CRAT: variants seen among roughly 807,000 people sequenced by gnomAD.
CRAT encodes the protein carnitine O-acetyltransferase, also known as carnitine acetylase.
A neutral mutation model predicts 73.7 loss-of-function variants in CRAT; 66 were observed. That is an observed-to-expected ratio of 0.90 (90% confidence interval 0.73 to 1.10). The LOEUF is 1.10. CRAT is among the 50% of genes least tolerant of loss of function. CRAT has a pLI of 0.00. For synonymous variants in CRAT, 321 were observed against 343.2 expected (o/e 0.94, Z 0.71); for missense variants, 745 against 846.9 (o/e 0.88, Z 1.49).
intron 12 of CRAT, 83 bp from the exon 13 acceptor site, chr9:129,096,218 C>T: frequency 6.4e-7 from 1 of 1,562,684 alleles, no homozygotes; most frequent in Non-Finnish European, 8.7e-7. Flanking sequence ...GGCAGCGCCA[C>T]CCTTCGCAGG....
intron 8 of CRAT, among the ~76,000 whole-genome samples, chr9:129,098,908 G>C (rs1847475314): frequency 6.6e-6 from 1 of 150,514 alleles, no homozygotes; most frequent in Non-Finnish European, 1.5e-5. Flanking sequence ...TGGCCTCCCT[G>C]GTTCAAGCGA....
At position 129,098,060 on chromosome 9, in the gene CRAT, T is replaced by C. The variant is rs146054379; in HGVS notation, c.1417A>G (p.Met473Val). The C allele has an allele frequency of 2.9e-5, 46 of 1,614,032 alleles. No homozygotes were observed. In the South Asian group the frequency reaches 4.4e-4, roughly 15 times the overall value. Residue 473 changes from methionine to valine, a missense_variant, in exon 11 of 14, where the codon ATG (methionine) becomes GTG (valine). By Grantham distance (21) the Met-to-Val change is conservative. Coordinates refer to ENST00000318080, the MANE Select transcript of CRAT (RefSeq NM_000755.5). Reference protein sequence around the residue: ...GRTDTIRSASMDSLTFVKAMD... With the variant: ...GRTDTIRSASVDSLTFVKAMD... ...GCCTTGACAAAGGTGAGTGAGTCCA[T>C]GGAAGCCGAGCGGATGGTGTCGGTG...
chr9:129,109,048 AG>A, intron 1 of CRAT: 12 of 1,242,758 alleles, frequency 9.7e-6, no homozygotes, highest in Non-Finnish European at 1.1e-5. Flanking sequence ...CCAGAAGTAG[AG>A]GAATGGGGAG....
chr9:129,104,424 A>C, intron 2 of CRAT, 118 bp from the exon 3 acceptor site: 1 of 718,866 alleles, frequency 1.4e-6, no homozygotes, highest in South Asian at 1.8e-5. Flanking sequence ...GAGATTCTCA[A>C]AGTAAATGCC....
Position 129,098,383 on chromosome 9 carries a change from G to C in CRAT, c.1206-12C>G, listed in dbSNP as rs372331656. On this transcript the variant is annotated splice_polypyrimidine_tract_variant and intron_variant, in intron 9 of 13. Coordinates refer to ENST00000318080, the MANE Select transcript of CRAT (RefSeq NM_000755.5). ...GGTCCTGGATCATGCTGGGGGTGTG[G>C]GAAGAGCAGGTGAGGAGCAGGCCCC... The C allele has an allele frequency of 1.9e-6, 3 of 1,612,978 alleles. No individual in the cohort carries two copies. The highest frequency in any genetic ancestry group is 1.3e-5 in the African/African-American group (1 of 74,920).
At chr9:129,099,993 C>G in intron 7 of CRAT, 27 bp from the exon 8 acceptor site, 5 of 1,606,156 alleles carry the variant, frequency 3.1e-6, no homozygotes, top group Non-Finnish European at 4.3e-6. Flanking sequence ...AGACCCCGGT[C>G]AGCCCCAGGG....
In CRAT at chr9:129,107,894, C is replaced by G; in HGVS notation, c.211G>C (p.Asp71His). ...ACACCTCCTGAGGCCTGAAACTCATCCACCAGCTGCTTGGTGTGGGCCCAC... is the reference window on the plus strand; with the variant it reads ...ACACCTCCTGAGGCCTGAAACTCATGCACCAGCTGCTTGGTGTGGGCCCAC... ...EEWAHTKQLV[D>H]EFQASGGVGE... is the part of the protein sequence containing the mutation. Residue 71 changes from aspartate to histidine, a missense_variant, in exon 2 of 14, where the codon GAT becomes CAT. Asp to His is a moderately conservative substitution (Grantham distance 81). Coordinates refer to ENST00000318080, the MANE Select transcript of CRAT (RefSeq NM_000755.5). This position sits in a 1 kb window ranked among gnomAD's most constrained non-coding sequence, Gnocchi z 5.0. The G allele has an allele frequency of 6.2e-7, 1 of 1,611,872 alleles. No individual in the cohort carries two copies. The highest frequency in any genetic ancestry group is 8.5e-7 in the Non-Finnish European group (1 of 1,179,952).
intron 11 of CRAT, 115 bp downstream of exon 11, chr9:129,097,898 C>T: frequency 6.9e-7 from 1 of 1,439,254 alleles, no homozygotes; most frequent in Non-Finnish European, 9.4e-7. Context: ...GTTAGATTCC[C>T]CGTGCCCACC....
Position 129,099,933 on chromosome 9 carries a change from C to T in CRAT, c.1018G>A (p.Val340Met). ...CCCTCCGCTGCAGCATGCTCGTACA[C>T]AAGCCCACAGGAGCCATCTTCTGCC... The part of the protein sequence containing the change: ...IVAEDGSCGL[V>M]YEHAAAEGPP... The change falls in exon 8 of 14, where the codon GTG becomes ATG. Residue 340 changes from valine to methionine, a missense_variant. Val to Met is a conservative substitution (Grantham distance 21, BLOSUM62 1). Coordinates refer to ENST00000318080, the MANE Select transcript of CRAT (RefSeq NM_000755.5). The T allele has an allele frequency of 1.9e-6, 3 of 1,613,150 alleles. No individual in the cohort carries two copies. The highest frequency in any genetic ancestry group is 1.1e-5 in the South Asian group (1 of 90,952).
chr9:129,109,369 TC>T, intron 1 of CRAT: 1 of 1,013,948 alleles, frequency 9.9e-7, no homozygotes, highest in Non-Finnish European at 1.4e-6. Context: ...CCTGTTTCTC[TC>T]CAGGACTCCT....
chr9:129,097,977 G>A, intron 11 of CRAT, 36 bp downstream of exon 11: 1 of 1,604,962 alleles, frequency 6.2e-7, no homozygotes, highest in Non-Finnish European at 8.5e-7. Context: ...GAGGGGCTCA[G>A]GCCCAGCTCA....
At chr9:129,102,938 C>T (rs1847778889) in intron 4 of CRAT, 75 bp downstream of exon 4, 1 of 1,379,790 alleles carries the variant, frequency 7.2e-7, no homozygotes, top group Non-Finnish European at 1.0e-6. Context: ...CGGGCCAGGG[C>T]TGGGGTCAGA....
chr9:129,108,290 T>C, intron 1 of CRAT: 2 of 1,022,942 alleles, frequency 2.0e-6, no homozygotes, highest in Admixed American at 3.6e-5. Context: ...GGGTGGGGTG[T>C]GGCCATGGTT....
Position 129,095,589 on chromosome 9 carries a change from G to T in CRAT, c.1689C>A (p.Val563=). 1 of 1,613,076 alleles carries T rather than the reference G, an allele frequency of 6.2e-7. No individual in the cohort carries two copies. The highest frequency in any genetic ancestry group is 8.5e-7 in the Non-Finnish European group (1 of 1,179,944). Residue 563 remains valine (V), a synonymous_variant, in exon 14 of 14, where the codon GTC becomes GTA. Transcript: ENST00000318080. The part of the protein sequence containing the change: ...TSQVPAKTDC[V]MFFGPVVPDG... ...CGGGGACCACGGGCCCGAAGAACAT[G>T]ACACAGTCTGTCTTGGCAGGGACCT...
intron 8 of CRAT, among the ~76,000 whole-genome samples, chr9:129,099,593 ATT>A (rs67170109): frequency 0.063 from 9,133 of 144,992 alleles, 900 homozygotes; most frequent in African/African-American, 0.21. Flanking sequence ...CACCTGGGTA[ATT>A]TTTTTTTTTT....
chr9:129,097,267 G>A lies in CRAT; in HGVS notation c.1510C>T (p.Arg504Ter), dbSNP rs762759429. ...ELLRKAVQAHRGYTDRAIRGE... is the reference protein window; with the variant it reads ...ELLRKAVQAH ...TCACTTACCCGGTCGGTGTAGCCTC[G>A]GTGGGCCTGCACGGCCTTCCGCAGC... Residue 504 changes from arginine to a stop codon, truncating the protein, a stop_gained, in exon 12 of 14, where the codon CGA (arginine) becomes TGA (stop). Coordinates refer to ENST00000318080, the MANE Select transcript of CRAT (RefSeq NM_000755.5). LOFTEE classifies it high-confidence loss of function. 43 of 1,482,012 alleles carry A rather than the reference G, an allele frequency of 2.9e-5. No individual in the cohort carries two copies. Among genetic ancestry groups the A allele is most frequent in the Non-Finnish European group, 3.6e-5 (40 of 1,111,984 alleles). 91.8% of individuals were successfully genotyped at this position (1,482,012 alleles called of 1,614,324 possible).
At chr9:129,099,581 C>A in intron 8 of CRAT, among the ~76,000 whole-genome samples, 1 of 146,756 alleles carries the variant, frequency 6.8e-6, no homozygotes, top group African/African-American at 2.6e-5. Flanking sequence ...CATGTGATAC[C>A]ACACCTGGGT....
intron 4 of CRAT, 75 bp from the exon 5 acceptor site, chr9:129,102,640 C>T (rs147415505): frequency 1.6e-5 from 24 of 1,517,966 alleles, no homozygotes; most frequent in Non-Finnish European, 2.0e-5. Context: ...CAGGGACCTG[C>T]TAGGTACTGC....
At chr9:129,104,802 C>G (rs1043344294) in intron 2 of CRAT, among the ~76,000 whole-genome samples, 4 of 151,274 alleles carry the variant, frequency 2.6e-5, no homozygotes, top group African/African-American at 7.3e-5. Context: ...GACGGGGTTT[C>G]ACCGTGTTAG....
Sources: gnomAD v4.1 joint callset for allele counts (sites outside exome capture counted in the v4.1 genomes callset) on GRCh38, gnomAD v4.1.1 for gene constraint, Gnocchi (gnomAD v3.1) non-coding constraint, MANE v1.5 for transcripts, NCBI Gene and HGNC (gene_info 2026-07-23, HGNC 2026-07-21) for gene names.